ACAD11: variants seen among roughly 807,000 people sequenced by gnomAD.
ACAD11 encodes acyl-CoA dehydrogenase family member 11.
A neutral mutation model predicts 102.2 loss-of-function variants in ACAD11; 83 were observed. The ratio of observed to expected loss-of-function variants is 0.81; its 90% CI spans 0.68 to 0.97. The LOEUF is 0.97. Among genes scored for constraint, ACAD11 ranks in the 50% least tolerant of loss-of-function variants. The probability of loss-of-function intolerance (pLI) is 0.00; values close to 1 mark genes in which losing one functional copy is unlikely to be tolerated. For missense variants in ACAD11, 901 were observed against 951.7 expected (o/e 0.95, Z 0.70); for synonymous variants, 324 against 319.8 (o/e 1.01, Z -0.14).
At chr3:132,566,864 T>G (rs1937229683) in intron 17 of ACAD11, among the ~76,000 whole-genome samples, 1 of 152,202 alleles carries the variant, frequency 6.6e-6, no homozygotes, top group Admixed American at 6.5e-5. Context: ...ATACAGCTAA[T>G]AAAATTCGTT....
At position 132,628,405 on chromosome 3, in the gene ACAD11, C is replaced by T. The variant is rs1293917053; in HGVS notation, c.1005G>A (p.Glu335=). The T allele has an allele frequency of 6.2e-7, 1 of 1,612,906 alleles. No individual in the cohort carries two copies. Among genetic ancestry groups the T allele is most frequent in the South Asian group, 1.1e-5 (1 of 90,912 alleles). ...SRYLLGNNSS[E]DSFLFANIVQ... ...CAATATTGGCAAATAAAAAGCTATC[C>T]TCAGATGAATTATTTCCCAGAAGAT... Residue 335 remains glutamate, a synonymous_variant, in exon 8 of 20, where the codon GAG becomes GAA. Transcript: ENST00000264990.
intron 5 of ACAD11, among the ~76,000 whole-genome samples, chr3:132,633,973 A>T (rs1940162394): frequency 2.0e-5 from 3 of 152,020 alleles, no homozygotes; most frequent in African/African-American, 4.8e-5. Context: ...AACCTAGGCA[A>T]TACCATTCAG....
chr3:132,623,684 C>G (rs1939692397), intron 9 of ACAD11, among the ~76,000 whole-genome samples: 2 of 152,128 alleles, frequency 1.3e-5, no homozygotes, highest in African/African-American at 2.4e-5. Context: ...TCTTAAAGCA[C>G]TTCTTTTTAT....
At chr3:132,600,221 T>C (rs1026812655) in intron 13 of ACAD11, among the ~76,000 whole-genome samples, 2 of 152,226 alleles carry the variant, frequency 1.3e-5, no homozygotes, top group African/African-American at 2.4e-5. Flanking sequence ...TGGGGTCATA[T>C]TCCAATGTGG....
intron 1 of ACAD11, among the ~76,000 whole-genome samples, chr3:132,657,692 T>C (rs1937881016): frequency 2.0e-5 from 3 of 152,230 alleles, no homozygotes; most frequent in Non-Finnish European, 4.4e-5. Flanking sequence ...GAAAATTACA[T>C]TTTAACTGTT....
rs1012912105 is a variant in ACAD11, at chr3:132,641,910, A to T, written c.537+62T>A. ...TATACAATAATAGCTTTTTTTGTTG[A>T]CTAATAAGGTATATTATTTACAAGA... On this transcript the variant is annotated intron_variant, in intron 4 of 19. Coordinates refer to ENST00000264990, the MANE Select transcript of ACAD11 (RefSeq NM_032169.5). The T allele has an allele frequency of 1.4e-5, 20 of 1,408,744 alleles. 1 individual carries two copies. Among genetic ancestry groups the T allele is most frequent in the Admixed American group, 1.4e-4 (6 of 43,502 alleles). The allele number at this position is 1,408,744 out of a possible 1,614,324, so 87.3% of individuals were successfully genotyped here.
intron 4 of ACAD11, among the ~76,000 whole-genome samples, chr3:132,640,771 G>A (rs905509559): frequency 6.6e-6 from 1 of 151,992 alleles, no homozygotes; most frequent in African/African-American, 2.4e-5. Flanking sequence ...AAGAGAGGCC[G>A]ACAACTCACT....
In ACAD11 at chr3:132,639,552, A is replaced by T; in HGVS notation, c.642T>A (p.Asn214Lys). 6.2e-7 allele frequency: 1 copy of T among 1,613,936 alleles called. No homozygotes were observed. Among genetic ancestry groups the T allele is most frequent in the Non-Finnish European group, 8.5e-7 (1 of 1,179,966 alleles). The stretch of plus-strand genomic sequence containing the variant: ...AATCTCCATGAATCAAATTCTCTTC[A>T]TTGTCATTATCGGGCAAGTTCTTCA... ...WLMKNLPDND[N>K]EENLIHGDFR... The change falls in exon 5 of 20, where the codon AAT (asparagine) becomes AAA (lysine). Residue 214 changes from asparagine to lysine, a missense_variant. Physicochemically the swap from Asn to Lys is moderately conservative, Grantham distance 94. Transcript: ENST00000264990.
intron 13 of ACAD11, among the ~76,000 whole-genome samples, chr3:132,586,254 C>T (rs1370415214): frequency 6.6e-6 from 1 of 152,104 alleles, no homozygotes; most frequent in Non-Finnish European, 1.5e-5. Flanking sequence ...AAAAAGCAAA[C>T]ACCGCATGTT....
At position 132,578,875 on chromosome 3, in the gene ACAD11, T is replaced by C; in HGVS notation, c.1695A>G (p.Lys565=). ...RTQNTSLSRH[K]QHSMILVPMN... ...TGGGAACAAGAATCATGCTGTGCTG[T>C]TTGTGTCTAGTCAAAAGAAAAATTG... is the stretch of plus-strand genomic sequence containing the variant. Residue 565 remains lysine, a synonymous_variant, in exon 15 of 20, where the codon AAA becomes AAG. Coordinates refer to ENST00000264990, the MANE Select transcript of ACAD11 (RefSeq NM_032169.5). 6.2e-7 allele frequency: 1 copy of C among 1,612,366 alleles called. No individual in the cohort carries two copies. Among genetic ancestry groups the C allele is most frequent in the Non-Finnish European group, 8.5e-7 (1 of 1,178,952 alleles).
intron 13 of ACAD11, among the ~76,000 whole-genome samples, chr3:132,583,765 GTT>G (rs1292174150): frequency 2.0e-5 from 3 of 152,062 alleles, no homozygotes; most frequent in Non-Finnish European, 4.4e-5. Flanking sequence ...GTTCTCGTTG[GTT>G]TCAAAGAACA....
At position 132,559,877 on chromosome 3, in the gene ACAD11, C is replaced by T. The variant is rs1936997479; in HGVS notation, c.2184G>A (p.Val728=). 1 of 1,613,716 alleles carries T rather than the reference C, an allele frequency of 6.2e-7. No individual in the cohort carries two copies. The highest frequency in any genetic ancestry group is 2.2e-5 in the East Asian group (1 of 44,850). Residue 728 remains valine (V), a synonymous_variant, in exon 19 of 20, where the codon GTG becomes GTA. Transcript: ENST00000264990. ...VSKIVDWAIQ[V]CGGAGVSQDY... ...CCTGGGAAACACCAGCACCTCCGCA[C>T]ACCTGGATGGCCCAGTCAACGATTT...
chr3:132,610,412 C>T (rs1484694568), intron 11 of ACAD11, among the ~76,000 whole-genome samples: 1 of 152,042 alleles, frequency 6.6e-6, no homozygotes, highest in African/African-American at 2.4e-5. Flanking sequence ...AAAAACCCTT[C>T]AAAAAACCAA....
At chr3:132,639,707 A>T (rs1412744463) in intron 4 of ACAD11, 51 bp from the exon 5 acceptor site, 5 of 1,532,210 alleles carry the variant, frequency 3.3e-6, no homozygotes, top group Non-Finnish European at 4.4e-6. Flanking sequence ...GGAATGTAGG[A>T]TCTAGCAATT....
intron 11 of ACAD11, among the ~76,000 whole-genome samples, chr3:132,613,729 T>C (rs748109843): frequency 2.0e-5 from 3 of 151,908 alleles, no homozygotes; most frequent in Admixed American, 6.6e-5. Flanking sequence ...TGAAACCACA[T>C]CTCTACTAAA....
intron 18 of ACAD11, among the ~76,000 whole-genome samples, chr3:132,560,578 A>AT (rs567774027): frequency 4.7e-5 from 7 of 149,682 alleles, no homozygotes; most frequent in African/African-American, 1.5e-4. Flanking sequence ...ATGTCGGCTA[A>AT]TTTTTTTTTT....
intron 9 of ACAD11, chr3:132,621,010 C>A (rs886277866): frequency 4.6e-5 from 7 of 152,094 alleles, no homozygotes; most frequent in African/African-American, 1.7e-4. Flanking sequence ...CACAGAAACT[C>A]AAAAGAAGGC....
intron 5 of ACAD11, among the ~76,000 whole-genome samples, chr3:132,635,079 AAAT>A (rs915017619): frequency 6.6e-6 from 1 of 150,976 alleles, no homozygotes; most frequent in African/African-American, 2.4e-5. Flanking sequence ...TATAAAATAA[AAAT>A]AATAAAAAAA....
intron 13 of ACAD11, among the ~76,000 whole-genome samples, chr3:132,595,741 T>C (rs967653534): frequency 2.0e-5 from 3 of 152,002 alleles, no homozygotes; most frequent in African/African-American, 7.2e-5. Flanking sequence ...AAAATCACAA[T>C]GAGATACCAT....
Sources: gnomAD v4.1 joint callset for allele counts (sites outside exome capture counted in the v4.1 genomes callset) on GRCh38, gnomAD v4.1.1 for gene constraint, MANE v1.5 for transcripts, NCBI Gene and HGNC (gene_info 2026-07-23, HGNC 2026-07-21) for gene names.